Variants in AFF3 observed in about 807,000 individuals in gnomAD.
AFF3 encodes AF4/FMR2 family member 3.
In AFF3, 32 loss-of-function variants were observed where a neutral mutation model predicts 129.7. That is an observed-to-expected ratio of 0.25 (90% CI 0.19 to 0.33). AFF3 has a LOEUF of 0.33. AFF3 is among the 10% of genes least tolerant of loss of function. The pLI, the probability that AFF3 is intolerant of heterozygous loss-of-function variation, is 1.00. For missense variants in AFF3, 1,373 were observed against 1,592.0 expected, an observed-to-expected ratio of 0.86 and a Z score of 2.34; for synonymous variants, 644 against 635.4, an observed-to-expected ratio of 1.01 and a Z score of -0.20.
At chr2:99,961,095 T>C (rs935961502) in intron 7 of AFF3, among the ~76,000 whole-genome samples, 2 of 152,198 alleles carry the variant, frequency 1.3e-5, no homozygotes, top group African/African-American at 2.4e-5. Flanking sequence ...TCAGTCATCA[T>C]GTGTCAGCAT....
At chr2:99,775,826 T>C (rs1683858299) in intron 8 of AFF3, among the ~76,000 whole-genome samples, 1 of 152,176 alleles carries the variant, frequency 6.6e-6, no homozygotes, top group Non-Finnish European at 1.5e-5. Flanking sequence ...GATGACTATT[T>C]CAAAGGACAG....
intron 8 of AFF3, among the ~76,000 whole-genome samples, chr2:99,789,015 T>C (rs545093236): frequency 4.6e-4 from 70 of 152,284 alleles, no homozygotes; most frequent in East Asian, 1.2e-3. Flanking sequence ...CCATCTTAGT[T>C]TGTGAAGTGT....
chr2:99,758,295 C>T (rs1682282969), intron 8 of AFF3, among the ~76,000 whole-genome samples: 1 of 152,128 alleles, frequency 6.6e-6, no homozygotes, highest in Non-Finnish European at 1.5e-5. Flanking sequence ...AAAATCTTCA[C>T]ATGCGGTCGG....
In AFF3 at chr2:100,008,328, T is replaced by C. The variant is rs12474800; in HGVS notation, c.174+484A>G. ...GTGAAATCTGGGATGACATTTCATT[T>C]TGGAAGCAAGGTTATATTTCTGGCC... On this transcript the variant is annotated intron_variant, in intron 5 of 24. Transcript: ENST00000672756. Among the ~76,000 whole-genome samples, 178 of 152,302 alleles carry C rather than the reference T, an allele frequency of 1.2e-3. 1 individual carries two copies. Among genetic ancestry groups the C allele is most frequent in the Admixed American group, 0.011 (166 of 15,296 alleles).
intron 8 of AFF3, among the ~76,000 whole-genome samples, chr2:99,785,280 A>G (rs1684708322): frequency 6.6e-6 from 1 of 152,228 alleles, no homozygotes; most frequent in South Asian, 2.1e-4. Context: ...CATGCAGTCC[A>G]CGACAAATGA....
intron 7 of AFF3, among the ~76,000 whole-genome samples, chr2:99,941,911 GA>G (rs1225634770): frequency 6.6e-6 from 1 of 152,182 alleles, no homozygotes; most frequent in Admixed American, 6.5e-5. Context: ...GTATGTGAAA[GA>G]AAACACAAAT....
chr2:99,809,690 A>C (rs1296010152), intron 8 of AFF3, among the ~76,000 whole-genome samples: 1 of 152,200 alleles, frequency 6.6e-6, no homozygotes, highest in Admixed American at 6.5e-5. Context: ...ATTTCCTCCA[A>C]AGAAGCAATA....
At chr2:99,589,158 A>G (rs915628178) in intron 15 of AFF3, among the ~76,000 whole-genome samples, 2 of 152,160 alleles carry the variant, frequency 1.3e-5, no homozygotes, top group Non-Finnish European at 2.9e-5. Flanking sequence ...CCATCAGCGT[A>G]TTCAGTTAGC....
At chr2:99,600,138 G>A (rs562255411) in intron 14 of AFF3, among the ~76,000 whole-genome samples, 1 of 152,298 alleles carries the variant, frequency 6.6e-6, no homozygotes, top group East Asian at 1.9e-4. Flanking sequence ...TACAGAGATT[G>A]ATAGATGGAT....
chr2:99,834,710 C>A (rs1039829985), intron 8 of AFF3, among the ~76,000 whole-genome samples: 6 of 152,172 alleles, frequency 3.9e-5, no homozygotes, highest in African/African-American at 1.4e-4. Context: ...GAATCTCATT[C>A]CTTGGATTCC....
intron 10 of AFF3, among the ~76,000 whole-genome samples, chr2:99,729,346 T>C (rs1342500654): frequency 6.6e-6 from 1 of 152,056 alleles, no homozygotes; most frequent in Non-Finnish European, 1.5e-5. Flanking sequence ...TCTTTGCTCT[T>C]AGCAGCACTT....
intron 13 of AFF3, among the ~76,000 whole-genome samples, chr2:99,608,984 T>C (rs968923562): frequency 1.3e-5 from 2 of 152,110 alleles, no homozygotes; most frequent in Admixed American, 6.5e-5. Flanking sequence ...TAGAAAAATA[T>C]AGAGACCACA....
At chr2:99,936,132 T>C (rs76985140) in intron 7 of AFF3, among the ~76,000 whole-genome samples, 2,036 of 152,292 alleles carry the variant, frequency 0.013, 57 homozygotes, top group African/African-American at 0.047. Flanking sequence ...CCTCAGGAAC[T>C]ACAGCCTTTG....
chr2:99,900,057 A>G (rs1401981531), intron 7 of AFF3, among the ~76,000 whole-genome samples: 1 of 152,216 alleles, frequency 6.6e-6, no homozygotes, highest in East Asian at 1.9e-4. Context: ...AGCTCACAAC[A>G]TCGTGGCTGT....
At chr2:99,898,421 C>T (rs574554422) in intron 7 of AFF3, among the ~76,000 whole-genome samples, 1 of 152,260 alleles carries the variant, frequency 6.6e-6, no homozygotes, top group African/African-American at 2.4e-5. Context: ...ACATCCTTGC[C>T]CTGCTGCCAG....
At chr2:99,855,624 T>C (rs1033606972) in intron 7 of AFF3, among the ~76,000 whole-genome samples, 1 of 152,182 alleles carries the variant, frequency 6.6e-6, no homozygotes, top group Non-Finnish European at 1.5e-5. Flanking sequence ...CATATTGATA[T>C]AAATGAATGC....
chr2:99,889,577 A>T (rs1018508837), intron 7 of AFF3, among the ~76,000 whole-genome samples: 6 of 152,328 alleles, frequency 3.9e-5, no homozygotes, highest in Admixed American at 3.3e-4. Flanking sequence ...CTATAATGCT[A>T]TCTTTAAAGA....
intron 19 of AFF3, among the ~76,000 whole-genome samples, chr2:99,566,250 T>C (rs969032724): frequency 9.3e-5 from 14 of 151,248 alleles, no homozygotes; most frequent in African/African-American, 2.7e-4. Context: ...CTGGCCTCAA[T>C]TGTTTTTTTT....
At chr2:99,632,621 C>T (rs1187828332) in intron 13 of AFF3, among the ~76,000 whole-genome samples, 1 of 152,140 alleles carries the variant, frequency 6.6e-6, no homozygotes, top group Admixed American at 6.5e-5. Flanking sequence ...CTTAGGGGCC[C>T]AGCTCCTACC....
Sources: allele counts gnomAD v4.1 joint callset (sites outside exome capture counted in the v4.1 genomes callset), GRCh38; gene constraint gnomAD v4.1.1; transcripts MANE v1.5; gene names NCBI Gene and HGNC (gene_info 2026-07-23, HGNC 2026-07-21).